TTBK2: variants seen among roughly 807,000 people sequenced by gnomAD.
The protein encoded by TTBK2 is tau-tubulin kinase 2.
TTBK2 carries 28 observed loss-of-function variants against 110.8 expected under a neutral mutation model. The ratio of observed to expected loss-of-function variants is 0.25; its 90% CI spans 0.19 to 0.35. TTBK2 has a LOEUF of 0.35. TTBK2 is among the 10% of genes least tolerant of loss of function. TTBK2 has a pLI of 1.00. For missense variants in TTBK2, 1,369 were observed against 1,500.3 expected (o/e 0.91, Z 1.45); for synonymous variants, 532 against 527.3 (o/e 1.01, Z -0.12).
intron 4 of TTBK2, among the ~76,000 whole-genome samples, chr15:42,831,627 T>C (rs886273767): frequency 6.6e-6 from 1 of 152,230 alleles, no homozygotes; most frequent in Non-Finnish European, 1.5e-5. Context: ...AATGTAAAGC[T>C]GTTTTCCAAA....
In TTBK2 at chr15:42,745,647, T is replaced by C; in HGVS notation, c.*148A>G. 2 of 963,730 alleles carry C rather than the reference T, an allele frequency of 2.1e-6. No homozygotes were observed. Among genetic ancestry groups the C allele is most frequent in the Non-Finnish European group, 3.3e-6 (2 of 611,956 alleles). 59.7% of individuals were successfully genotyped at this position (963,730 alleles called of 1,614,324 possible). A position where few individuals can be genotyped will look rare whatever the true frequency, so the allele number is the denominator to read the frequency against. On this transcript the variant is annotated 3_prime_UTR_variant, in exon 15 of 15. Coordinates refer to ENST00000267890, the MANE Select transcript of TTBK2 (RefSeq NM_173500.4). ...GCCTTAGGTAATTCCTTATCATGTATTATGTCTTCTTATAAATAATTGATC... is the reference window on the plus strand; with the variant it reads ...GCCTTAGGTAATTCCTTATCATGTACTATGTCTTCTTATAAATAATTGATC...
intron 1 of TTBK2, chr15:42,908,079 C>T (rs538769179): frequency 2.6e-5 from 4 of 152,026 alleles, no homozygotes; most frequent in Non-Finnish European, 5.9e-5. Context: ...AAGTGAGACC[C>T]TGTCTCAAAA....
intron 3 of TTBK2, among the ~76,000 whole-genome samples, chr15:42,846,091 T>C (rs1291337827): frequency 6.6e-6 from 1 of 151,566 alleles, no homozygotes; most frequent in Non-Finnish European, 1.5e-5. Context: ...GCTATGCAAA[T>C]AGTTGCCATA....
chr15:42,878,029 AAAG>A (rs971727955), intron 2 of TTBK2, among the ~76,000 whole-genome samples: 1 of 151,736 alleles, frequency 6.6e-6, no homozygotes, highest in African/African-American at 2.4e-5. Flanking sequence ...AAAAAAAAAA[AAAG>A]AGAGAGCAGC....
chr15:42,763,866 T>C (rs1889228141), intron 13 of TTBK2, among the ~76,000 whole-genome samples: 1 of 152,170 alleles, frequency 6.6e-6, no homozygotes, highest in Non-Finnish European at 1.5e-5. Flanking sequence ...GCTTTTGTCC[T>C]TACCTTGTCA....
chr15:42,841,203 C>T (rs948530028), intron 3 of TTBK2, among the ~76,000 whole-genome samples: 10 of 151,974 alleles, frequency 6.6e-5, no homozygotes, highest in African/African-American at 1.9e-4. Flanking sequence ...TTCAAAAGTT[C>T]GTTGTTATTT....
intron 13 of TTBK2, among the ~76,000 whole-genome samples, chr15:42,764,443 C>T (rs986609246): frequency 1.4e-4 from 22 of 152,394 alleles, no homozygotes; most frequent in African/African-American, 4.6e-4. Context: ...AACGGCACAC[C>T]AGGAGATTAC....
chr15:42,837,412 C>T (rs1421710776), intron 4 of TTBK2, among the ~76,000 whole-genome samples: 2 of 149,300 alleles, frequency 1.3e-5, no homozygotes, highest in African/African-American at 2.5e-5. Flanking sequence ...AATCCCAGCA[C>T]TTTGGGAGGC....
intron 1 of TTBK2, among the ~76,000 whole-genome samples, chr15:42,916,701 A>G (rs2031101086): frequency 6.6e-6 from 1 of 152,176 alleles, no homozygotes; most frequent in Non-Finnish European, 1.5e-5. Context: ...ATTTAAAAAG[A>G]CTTTACAAAC....
At chr15:42,859,084 A>T (rs958952055) in intron 3 of TTBK2, among the ~76,000 whole-genome samples, 1 of 152,006 alleles carries the variant, frequency 6.6e-6, no homozygotes, top group South Asian at 2.1e-4. Context: ...TTATTTATTT[A>T]TTTTTTATTT....
chr15:42,829,901 A>C, intron 5 of TTBK2, 37 bp downstream of exon 5: 1 of 1,613,356 alleles, frequency 6.2e-7, no homozygotes. Flanking sequence ...TAAAAGTATC[A>C]AACTCATTCT....
chr15:42,752,545 GC>G lies in TTBK2; in HGVS notation c.2700del (p.Leu900PhefsTer40). On this transcript the variant is annotated frameshift_variant, in exon 14 of 15. Transcript: ENST00000267890. LOFTEE classifies it high-confidence loss of function. ...PGHQGDLSTF[L>X]HQEGKREKIT... Reference sequence around the variant, plus strand: ...ATTTTCTCTCTCTTGCCCTCTTGGTGCAAAAAAGTAGAGAGGTCTCCTTGAT... The same window carrying G: ...ATTTTCTCTCTCTTGCCCTCTTGGTGAAAAAAGTAGAGAGGTCTCCTTGAT... The G allele has an allele frequency of 6.2e-7, 1 of 1,614,038 alleles. No individual in the cohort carries two copies. The highest frequency in any genetic ancestry group is 8.5e-7 in the Non-Finnish European group (1 of 1,180,002).
intron 11 of TTBK2, among the ~76,000 whole-genome samples, chr15:42,780,347 CTT>C (rs201645746): frequency 1.4e-5 from 2 of 141,216 alleles, no homozygotes; most frequent in Admixed American, 7.1e-5. Flanking sequence ...CATTCTTTTT[CTT>C]TTTTTTTTTT....
chr15:42,896,147 G>C (rs1895658218), intron 1 of TTBK2, among the ~76,000 whole-genome samples: 1 of 151,876 alleles, frequency 6.6e-6, no homozygotes, highest in Non-Finnish European at 1.5e-5. Flanking sequence ...TGACCAACAT[G>C]GAGAAACCCT....
At chr15:42,870,645 G>A (rs1323452976) in intron 3 of TTBK2, among the ~76,000 whole-genome samples, 2 of 151,896 alleles carry the variant, frequency 1.3e-5, no homozygotes, top group Non-Finnish European at 2.9e-5. Flanking sequence ...GGAAGATCAT[G>A]AGGTCAAGAG....
chr15:42,905,714 G>A lies in TTBK2; in HGVS notation c.-68+14724C>T, dbSNP rs537031600. 6.0e-4 allele frequency among the ~76,000 whole-genome samples: 92 copies of A among 152,192 alleles called. No individual in the cohort carries two copies. In the South Asian group the frequency reaches 0.019, roughly 31 times the overall value. On this transcript the variant is annotated intron_variant, in intron 1 of 14. Coordinates refer to ENST00000267890, the MANE Select transcript of TTBK2 (RefSeq NM_173500.4). ...CTCCAGGAACTCCTCACAAAATAGA[G>A]ATTAAGACCAGACCACTGTACCTAG...
chr15:42,802,089 C>A, intron 9 of TTBK2: 1 of 1,461,824 alleles, frequency 6.8e-7, no homozygotes. Flanking sequence ...GGAACCGTAC[C>A]TTGTCTATGA....
At position 42,743,546 on chromosome 15, in the gene TTBK2, CAAA is replaced by C. The variant is rs2061762365; in HGVS notation, c.*2246_*2248del. On this transcript the variant is annotated 3_prime_UTR_variant, in exon 15 of 15. Transcript: ENST00000267890. ...TCTTCATTATTCCCCCGACCCCCTG[CAAA>C]AAAAGTGAGATGAAAAGAGGAAAGT... The C allele has an allele frequency of 6.6e-6, 1 of 151,808 alleles. No homozygotes were observed. The highest frequency in any genetic ancestry group is 1.5e-5 in the Non-Finnish European group (1 of 67,948). The allele number at this position is 151,808 out of a possible 1,614,324, so 9.4% of individuals were successfully genotyped here. A position where few individuals can be genotyped will look rare whatever the true frequency, so the allele number is the denominator to read the frequency against.
rs1160886190 is a variant in TTBK2, at chr15:42,783,547, T to G, written c.1069A>C (p.Asn357His). 1 of 1,614,138 alleles carries G rather than the reference T, an allele frequency of 6.2e-7. No homozygotes were observed. The highest frequency in any genetic ancestry group is 2.2e-5 in the East Asian group (1 of 44,874). Residue 357 changes from asparagine (N) to histidine (H), a missense_variant, in exon 11 of 15, where the codon AAT (asparagine) becomes CAT (histidine). Physicochemically the swap from Asn to His is moderately conservative, Grantham distance 68 (BLOSUM62 1). Coordinates refer to ENST00000267890, the MANE Select transcript of TTBK2 (RefSeq NM_173500.4). ...GGTGACACACCAACAGGGATGCCAT[T>G]TTCTCCATCGCTAAGCTGTTCATCT... is the stretch of plus-strand genomic sequence containing the variant. ...FPDEQLSDGE[N>H]GIPVGVSPDK...
Sources: allele counts gnomAD v4.1 joint callset (sites outside exome capture counted in the v4.1 genomes callset), GRCh38; gene constraint gnomAD v4.1.1; transcripts MANE v1.5; gene names NCBI Gene and HGNC (gene_info 2026-07-23, HGNC 2026-07-21).